Variants in HMX3 observed in about 807,000 individuals in gnomAD.
HMX3 encodes H6 family homeobox 3, also known as homeobox protein HMX3.
Under a neutral mutation model 22.8 loss-of-function variants are expected in HMX3, and 8 were observed. That is an observed-to-expected ratio of 0.35 (90% CI 0.21 to 0.63). HMX3 has a LOEUF of 0.63. HMX3 is among the 30% of genes least tolerant of loss of function. The pLI is 0.72. For synonymous variants in HMX3, 331 were observed against 250.9 expected, an observed-to-expected ratio of 1.32 and a Z score of -3.02; for missense variants, 527 against 520.6, an observed-to-expected ratio of 1.01 and a Z score of -0.12.
Position 123,136,705 on chromosome 10 carries a change from G to A in HMX3, c.400+255G>A, listed in dbSNP as rs375750108. Among the ~76,000 whole-genome samples the A allele has an allele frequency of 1.3e-5, 2 of 152,210 alleles. No homozygotes were observed. The highest frequency in any genetic ancestry group is 1.9e-4 in the East Asian group (1 of 5,170). On this transcript the variant is annotated intron_variant, in intron 1 of 1. Coordinates refer to ENST00000357878, the MANE Select transcript of HMX3 (RefSeq NM_001105574.2). This position sits in a 1 kb window ranked among gnomAD's most constrained non-coding sequence, Gnocchi z 4.8. The stretch of plus-strand genomic sequence containing the variant: ...AAAAGTGGCCTCGGGCGTGAATAGG[G>A]AGGCTTCGGACGGCCGGGGCTTGGG...
In HMX3 at chr10:123,139,374, A is replaced by G. The variant is rs1239702118; in HGVS notation, c.*1643A>G. 6.6e-6 allele frequency among the ~76,000 whole-genome samples: 1 copy of G among 152,098 alleles called. No homozygotes were observed. The highest frequency in any genetic ancestry group is 1.9e-4 in the East Asian group (1 of 5,204). ...AAAAAAACCCACAAAATATTGTTAC[A>G]CTAATGTTGTCGTGACATTGAATTA... On this transcript the variant is annotated 3_prime_UTR_variant, in exon 2 of 2. Transcript: ENST00000357878.
At position 123,137,752 on chromosome 10, in the gene HMX3, G is replaced by A; in HGVS notation, c.*21G>A. 7.1e-7 allele frequency: 1 copy of A among 1,409,130 alleles called. No individual in the cohort carries two copies. The highest frequency in any genetic ancestry group is 9.2e-7 in the Non-Finnish European group (1 of 1,085,598). The allele number at this position is 1,409,130 out of a possible 1,614,324, so 87.3% of individuals were successfully genotyped here. On this transcript the variant is annotated 3_prime_UTR_variant, in exon 2 of 2. Transcript: ENST00000357878. This position sits in a 1 kb window ranked among gnomAD's most constrained non-coding sequence, Gnocchi z 5.8. The stretch of plus-strand genomic sequence containing the variant: ...TCTGAGGCCCCAGAGGGGTGGGGGA[G>A]GGAGCGCCCGGCCTCCTTGTCCGGA...
At position 123,137,204 on chromosome 10, in the gene HMX3, G is replaced by T; in HGVS notation, c.547G>T (p.Glu183Ter). The T allele has an allele frequency of 1.2e-6, 2 of 1,600,100 alleles. No homozygotes were observed. The highest frequency in any genetic ancestry group is 2.3e-5 in the East Asian group (1 of 44,290). The change falls in exon 2 of 2, where the codon GAG becomes TAG. Residue 183 changes from glutamate (E) to a stop codon, truncating the protein, a stop_gained. Transcript: ENST00000357878. LOFTEE classifies it high-confidence loss of function. This position sits in a 1 kb window ranked among gnomAD's most constrained non-coding sequence, Gnocchi z 5.8. ...DEIILEESDS[E>*]ESKKEGEAAP... ...GATCATTCTGGAGGAGAGCGACTCCGAGGAAAGCAAAAAGGAAGGCGAAGC... is the reference window on the plus strand; with the variant it reads ...GATCATTCTGGAGGAGAGCGACTCCTAGGAAAGCAAAAAGGAAGGCGAAGC...
At position 123,137,867 on chromosome 10, in the gene HMX3, TC is replaced by T; in HGVS notation, c.*141del. The stretch of plus-strand genomic sequence containing the variant: ...TTGGGCGCGCAGCCTCTGCTTCCCC[TC>T]CCCCAGTCGGTAGCATTTTGTAAGT... On this transcript the variant is annotated 3_prime_UTR_variant, in exon 2 of 2. Transcript: ENST00000357878. This position sits in a 1 kb window ranked among gnomAD's most constrained non-coding sequence, Gnocchi z 5.8. 1.8e-6 allele frequency: 1 copy of T among 564,784 alleles called. No individual in the cohort carries two copies. Among genetic ancestry groups the T allele is most frequent in the Non-Finnish European group, 2.9e-6 (1 of 341,558 alleles). The allele number at this position is 564,784 out of a possible 1,614,324, so 35.0% of individuals were successfully genotyped here. A position where few individuals can be genotyped will look rare whatever the true frequency, so the allele number is the denominator to read the frequency against.
rs1844096644 is a variant in HMX3, at chr10:123,137,946, C to G, written c.*215C>G. 6.6e-6 allele frequency among the ~76,000 whole-genome samples: 1 copy of G among 152,210 alleles called. No individual in the cohort carries two copies. Among genetic ancestry groups the G allele is most frequent in the Non-Finnish European group, 1.5e-5 (1 of 68,044 alleles). On this transcript the variant is annotated 3_prime_UTR_variant, in exon 2 of 2. Coordinates refer to ENST00000357878, the MANE Select transcript of HMX3 (RefSeq NM_001105574.2). This position sits in a 1 kb window ranked among gnomAD's most constrained non-coding sequence, Gnocchi z 5.8. The stretch of plus-strand genomic sequence containing the variant: ...TCCCTAATGGATTGGAGGCGCTTCC[C>G]CTCTTACTTTTGGTTTTTGGCTTAT...
chr10:123,137,822 C>A lies in HMX3; in HGVS notation c.*91C>A. 1 of 1,000,110 alleles carries A rather than the reference C, an allele frequency of 1.0e-6. No individual in the cohort carries two copies. The highest frequency in any genetic ancestry group is 1.4e-6 in the Non-Finnish European group (1 of 728,678). The allele number at this position is 1,000,110 out of a possible 1,614,324, so 62.0% of individuals were successfully genotyped here. A position where few individuals can be genotyped will look rare whatever the true frequency, so the allele number is the denominator to read the frequency against. ...GGGCCGAGGGCGCCGAGAAGTCCAGCGGCCTTCAGGAACTGGGGCTTGGGC... is the reference window on the plus strand; with the variant it reads ...GGGCCGAGGGCGCCGAGAAGTCCAGAGGCCTTCAGGAACTGGGGCTTGGGC... On this transcript the variant is annotated 3_prime_UTR_variant, in exon 2 of 2. Transcript: ENST00000357878. The surrounding 1 kb of genome is among the most constrained non-coding windows in gnomAD (Gnocchi z 5.8).
In HMX3 at chr10:123,137,830, A is replaced by G; in HGVS notation, c.*99A>G. On this transcript the variant is annotated 3_prime_UTR_variant, in exon 2 of 2. Coordinates refer to ENST00000357878, the MANE Select transcript of HMX3 (RefSeq NM_001105574.2). This position sits in a 1 kb window ranked among gnomAD's most constrained non-coding sequence, Gnocchi z 5.8. ...GGCGCCGAGAAGTCCAGCGGCCTTC[A>G]GGAACTGGGGCTTGGGCGCGCAGCC... The G allele has an allele frequency of 2.2e-6, 2 of 893,176 alleles. No individual in the cohort carries two copies. Among genetic ancestry groups the G allele is most frequent in the South Asian group, 2.2e-5 (1 of 45,454 alleles). The allele number at this position is 893,176 out of a possible 1,614,324, so 55.3% of individuals were successfully genotyped here.
In HMX3 at chr10:123,136,696, G is replaced by C. The variant is rs558272460; in HGVS notation, c.400+246G>C. On this transcript the variant is annotated intron_variant, in intron 1 of 1. Coordinates refer to ENST00000357878, the MANE Select transcript of HMX3 (RefSeq NM_001105574.2). The surrounding 1 kb of genome is among the most constrained non-coding windows in gnomAD (Gnocchi z 4.8). Reference sequence around the variant, plus strand: ...CTTCCCGGGAAAAGTGGCCTCGGGCGTGAATAGGGAGGCTTCGGACGGCCG... The same window carrying C: ...CTTCCCGGGAAAAGTGGCCTCGGGCCTGAATAGGGAGGCTTCGGACGGCCG... 6.6e-6 allele frequency among the ~76,000 whole-genome samples: 1 copy of C among 152,324 alleles called. No homozygotes were observed. The highest frequency in any genetic ancestry group is 2.1e-4 in the South Asian group (1 of 4,832).
rs1315206020 is a variant in HMX3 at position 123,139,258 on chromosome 10, T to G, written c.*1527T>G. 1.3e-5 allele frequency among the ~76,000 whole-genome samples: 2 copies of G among 152,196 alleles called. No individual in the cohort carries two copies. Among genetic ancestry groups the G allele is most frequent in the Non-Finnish European group, 2.9e-5 (2 of 68,028 alleles). On this transcript the variant is annotated 3_prime_UTR_variant, in exon 2 of 2. Transcript: ENST00000357878. Reference sequence around the variant, plus strand: ...TCTGTCACCCAATCTGTTTTCTTTCTGTCGGTACACCTGTTGTTCTGTGAT... The same window carrying G: ...TCTGTCACCCAATCTGTTTTCTTTCGGTCGGTACACCTGTTGTTCTGTGAT...
chr10:123,136,110 G>GGC lies in HMX3; in HGVS notation c.60_61insGC (p.Pro21AlafsTer103). 1.0e-5 allele frequency: 13 copies of GGC among 1,261,396 alleles called. No individual in the cohort carries two copies. The highest frequency in any genetic ancestry group is 1.3e-5 in the Non-Finnish European group (13 of 986,750). 78.1% of individuals were successfully genotyped at this position (1,261,396 alleles called of 1,614,324 possible). ...CCAGCGCACAGCCCCAACCGCCGCC[G>GGC]CCCCCCCCACCCGCTCCCAAGGAGT... On this transcript the variant is annotated frameshift_variant, in exon 1 of 2. Coordinates refer to ENST00000357878, the MANE Select transcript of HMX3 (RefSeq NM_001105574.2). LOFTEE classifies it high-confidence loss of function. This position sits in a 1 kb window ranked among gnomAD's most constrained non-coding sequence, Gnocchi z 4.8.
At position 123,137,659 on chromosome 10, in the gene HMX3, G is replaced by A; in HGVS notation, c.1002G>A (p.Leu334=). 1 of 1,500,252 alleles carries A rather than the reference G, an allele frequency of 6.7e-7. No homozygotes were observed. The allele number at this position is 1,500,252 out of a possible 1,614,324, so 92.9% of individuals were successfully genotyped here. Residue 334 remains leucine, a synonymous_variant, in exon 2 of 2, where the codon CTG becomes CTA. Coordinates refer to ENST00000357878, the MANE Select transcript of HMX3 (RefSeq NM_001105574.2). The surrounding 1 kb of genome is among the most constrained non-coding windows in gnomAD (Gnocchi z 5.8). ...CCCCGGTGCCAGTCAGCCAGCCGCT[G>A]CTCACCTTCCCGCACCCCGTCTACT... ...AGAPVPVSQP[L]LTFPHPVYYS...
At position 123,137,854 on chromosome 10, in the gene HMX3, C is replaced by T. The variant is rs1405524481; in HGVS notation, c.*123C>T. The T allele has an allele frequency of 1.3e-5, 8 of 614,440 alleles. No homozygotes were observed. The highest frequency in any genetic ancestry group is 1.8e-5 in the Non-Finnish European group (7 of 384,718). The allele number at this position is 614,440 out of a possible 1,614,324, so 38.1% of individuals were successfully genotyped here. ...CAGGAACTGGGGCTTGGGCGCGCAG[C>T]CTCTGCTTCCCCTCCCCCAGTCGGT... On this transcript the variant is annotated 3_prime_UTR_variant, in exon 2 of 2. Transcript: ENST00000357878. The surrounding 1 kb of genome is among the most constrained non-coding windows in gnomAD (Gnocchi z 5.8).
Position 123,137,776 on chromosome 10 carries a change from G to T in HMX3, c.*45G>T. On this transcript the variant is annotated 3_prime_UTR_variant, in exon 2 of 2. Transcript: ENST00000357878. This position sits in a 1 kb window ranked among gnomAD's most constrained non-coding sequence, Gnocchi z 5.8. The stretch of plus-strand genomic sequence containing the variant: ...AGGGAGCGCCCGGCCTCCTTGTCCG[G>T]ACCCCGGAGGAGACTGGGCCGGGCC... 1 of 1,362,082 alleles carries T rather than the reference G, an allele frequency of 7.3e-7. No individual in the cohort carries two copies. Among genetic ancestry groups the T allele is most frequent in the South Asian group, 1.6e-5 (1 of 63,358 alleles). The allele number at this position is 1,362,082 out of a possible 1,614,324, so 84.4% of individuals were successfully genotyped here.
rs1359277898 is a variant in HMX3 at position 123,136,275 on chromosome 10, G to A, written c.225G>A (p.Gly75=). The A allele has an allele frequency of 2.7e-6, 4 of 1,455,452 alleles. No homozygotes were observed. The highest frequency in any genetic ancestry group is 3.0e-5 in the East Asian group (1 of 33,480). 90.2% of individuals were successfully genotyped at this position (1,455,452 alleles called of 1,614,324 possible). A position where few individuals can be genotyped will look rare whatever the true frequency, so the allele number is the denominator to read the frequency against. ...CTGCCGCTGCCGCGGCGGCCAAGGG[G>A]GCCCTGGAGGGCGCCGCGGGCTTCG... is the stretch of plus-strand genomic sequence containing the variant. ...AAAAAAAAAK[G]ALEGAAGFAL... The change falls in exon 1 of 2, where the codon GGG becomes GGA. Residue 75 remains glycine (G), a synonymous_variant. Transcript: ENST00000357878. This position sits in a 1 kb window ranked among gnomAD's most constrained non-coding sequence, Gnocchi z 4.8.
chr10:123,137,601 C>T lies in HMX3; in HGVS notation c.944C>T (p.Ala315Val), dbSNP rs1844092755. The change falls in exon 2 of 2, where the codon GCG (alanine) becomes GTG (valine). Residue 315 changes from alanine to valine, a missense_variant. Physicochemically the swap from Ala to Val is moderately conservative, Grantham distance 64. This residue lies in a region of HMX3 where 100 missense variants were observed against 102.3 expected (regional missense o/e 0.98). Transcript: ENST00000357878. This position sits in a 1 kb window ranked among gnomAD's most constrained non-coding sequence, Gnocchi z 5.8. ...RVPILYHENSAAEGAAAAAAG... is the reference protein window; with the variant it reads ...RVPILYHENSVAEGAAAAAAG... The stretch of plus-strand genomic sequence containing the variant: ...CCCATCCTCTACCACGAGAACTCGG[C>T]GGCCGAGGGCGCGGCGGCTGCAGCC... 1.3e-6 allele frequency: 2 copies of T among 1,579,402 alleles called. No homozygotes were observed. Among genetic ancestry groups the T allele is most frequent in the South Asian group, 1.1e-5 (1 of 88,526 alleles).
rs912376160 is a variant in HMX3 at position 123,136,227 on chromosome 10, C to A, written c.177C>A (p.Ala59=). 6 of 1,340,940 alleles carry A rather than the reference C, an allele frequency of 4.5e-6. No homozygotes were observed. The highest frequency in any genetic ancestry group is 4.8e-6 in the Non-Finnish European group (5 of 1,049,894). The allele number at this position is 1,340,940 out of a possible 1,614,324, so 83.1% of individuals were successfully genotyped here. ...QPPPRTLFAP[A]SAAAAAAAAA... is the part of the protein sequence containing the mutation. ...CCCCACGGACGCTCTTCGCGCCAGC[C>A]TCGGCTGCCGCCGCCGCCGCCGCTG... is the stretch of plus-strand genomic sequence containing the variant. The change falls in exon 1 of 2, where the codon GCC becomes GCA. Residue 59 remains alanine, a synonymous_variant. Transcript: ENST00000357878. This position sits in a 1 kb window ranked among gnomAD's most constrained non-coding sequence, Gnocchi z 4.8.
rs1253262299 is a variant in HMX3 at position 123,137,246 on chromosome 10, G to C, written c.589G>C (p.Gly197Arg). The C allele has an allele frequency of 6.3e-7, 1 of 1,592,648 alleles. No homozygotes were observed. Residue 197 changes from glycine (G) to arginine (R), a missense_variant, in exon 2 of 2, where the codon GGG becomes CGG. Physicochemically the swap from Gly to Arg is moderately radical, Grantham distance 125 (BLOSUM62 -2). This residue lies in a region of HMX3 where 386 missense variants were observed against 337.8 expected (regional missense o/e 1.14). Transcript: ENST00000357878. The surrounding 1 kb of genome is among the most constrained non-coding windows in gnomAD (Gnocchi z 5.8). ...AGGCGAAGCGGCGCCAGGCGCGGCC[G>C]GGGCGAGCGTAGGGGCGGCGGCGGC... ...KEGEAAPGAAGASVGAAAATP... is the reference protein window; with the variant it reads ...KEGEAAPGAARASVGAAAATP...
rs1428542875 is a variant in HMX3, at chr10:123,136,612, C to T, written c.400+162C>T. Among the ~76,000 whole-genome samples, 3 of 152,154 alleles carry T rather than the reference C, an allele frequency of 2.0e-5. No individual in the cohort carries two copies. Among genetic ancestry groups the T allele is most frequent in the Non-Finnish European group, 4.4e-5 (3 of 68,028 alleles). ...CTGCCCTCGCGCTGGGTTGCGCTGC[C>T]CGTTAATCCAATCCCACTTGGTGAG... is the stretch of plus-strand genomic sequence containing the variant. On this transcript the variant is annotated intron_variant, in intron 1 of 1. Transcript: ENST00000357878. The surrounding 1 kb of genome is among the most constrained non-coding windows in gnomAD (Gnocchi z 4.8).
chr10:123,136,441 C>G lies in HMX3; in HGVS notation c.391C>G (p.Arg131Gly), dbSNP rs529563907. ...GACCCCCGCCGGCGGCCACCTCCCG[C>G]GACCTGAAGGTACCGACCTCTCTTT... The part of the protein sequence containing the change: ...TLTPAGGHLP[R>G]PEASEKALLR... Residue 131 changes from arginine (R) to glycine (G), a missense_variant, in exon 1 of 2, where the codon CGA becomes GGA. By Grantham distance (125) the Arg-to-Gly change is moderately radical. Around this residue, in one of 3 missense-constraint regions of HMX3, gnomAD observed 386 missense variants for 337.8 expected, o/e 1.14. Transcript: ENST00000357878. The surrounding 1 kb of genome is among the most constrained non-coding windows in gnomAD (Gnocchi z 4.8). 2.1e-5 allele frequency: 30 copies of G among 1,445,872 alleles called. 1 individual carries two copies. The East Asian group carries it at 7.1e-4, about 34-fold the overall frequency. The allele number at this position is 1,445,872 out of a possible 1,614,324, so 89.6% of individuals were successfully genotyped here.
Sources: allele counts gnomAD v4.1 joint callset (sites outside exome capture counted in the v4.1 genomes callset), GRCh38; gene constraint gnomAD v4.1.1; regional missense constraint gnomAD v4.1.1; non-coding constraint Gnocchi (gnomAD v3.1); transcripts MANE v1.5; gene names NCBI Gene and HGNC (gene_info 2026-07-23, HGNC 2026-07-21).